The following DST variants were observed in gnomAD, a reference collection of about 807,000 sequenced individuals.
DST encodes dystonin, also known as bullous pemphigoid antigen.
In DST, 253 loss-of-function variants were observed where a neutral mutation model predicts 875.2. The observed-to-expected ratio is 0.29, with a 90% CI of 0.26 to 0.32. DST has a LOEUF of 0.32. DST is among the 10% of genes least tolerant of loss of function. The pLI, the probability that DST is intolerant of heterozygous loss-of-function variation, is 1.00. For synonymous variants in DST, 3,124 were observed against 3,197.1 expected (o/e 0.98, Z 0.77); for missense variants, 8,287 against 9,111.6 (o/e 0.91, Z 3.68).
intron 4 of DST, among the ~76,000 whole-genome samples, chr6:56,816,816 A>ATTTT (rs35624872): frequency 1.4e-5 from 2 of 144,492 alleles, no homozygotes; most frequent in African/African-American, 2.5e-5. Flanking sequence ...AAATAGGCTG[A>ATTTT]TTTTTTTTTT....
chr6:56,901,595 A>AAAAAT (rs1304045587), intron 2 of DST, among the ~76,000 whole-genome samples: 2 of 152,106 alleles, frequency 1.3e-5, no homozygotes, highest in South Asian at 4.1e-4. Context: ...ACTCCATCTA[A>AAAAAT]AAAATAAAAT....
intron 34 of DST, among the ~76,000 whole-genome samples, chr6:56,626,181 T>A (rs1161167959): frequency 6.6e-6 from 1 of 152,010 alleles, no homozygotes; most frequent in Non-Finnish European, 1.5e-5. Flanking sequence ...ATTGAAGAAA[T>A]TTTTTTATAA....
intron 93 of DST, 44 bp downstream of exon 93, chr6:56,473,829 C>T: frequency 6.5e-7 from 1 of 1,546,250 alleles, no homozygotes; most frequent in Non-Finnish European, 8.7e-7. Context: ...AGAAAATTAG[C>T]TCCCTTATTT....
At chr6:56,736,739 G>C (rs1431850842) in intron 4 of DST, among the ~76,000 whole-genome samples, 1 of 152,112 alleles carries the variant, frequency 6.6e-6, no homozygotes, top group South Asian at 2.1e-4. Flanking sequence ...TAACTTGAAT[G>C]TAAACAAAAG....
chr6:56,642,943 C>T (rs2098920684), intron 15 of DST: 1 of 1,459,136 alleles, frequency 6.9e-7, no homozygotes. Context: ...GCATATGCAA[C>T]ACACAGCAAA....
intron 3 of DST, among the ~76,000 whole-genome samples, chr6:56,891,337 C>T (rs563439492): frequency 6.6e-6 from 1 of 152,192 alleles, no homozygotes; most frequent in East Asian, 1.9e-4. Context: ...CCGAGGTGTT[C>T]TCTTGAGCCC....
intron 4 of DST, among the ~76,000 whole-genome samples, chr6:56,779,101 T>C (rs960005846): frequency 1.3e-5 from 2 of 152,126 alleles, no homozygotes; most frequent in East Asian, 1.9e-4. Context: ...TGGTATCTCA[T>C]TGTGGTTTTG....
chr6:56,758,569 C>T (rs1256833194), intron 4 of DST, among the ~76,000 whole-genome samples: 1 of 152,184 alleles, frequency 6.6e-6, no homozygotes, highest in Non-Finnish European at 1.5e-5. Context: ...TCCATGATGT[C>T]TGGGCCTCAG....
rs188291910 is a variant in DST at position 56,614,461 on chromosome 6, T to C, written c.4953A>G (p.Lys1651=). 2.0e-5 allele frequency: 32 copies of C among 1,607,256 alleles called. No homozygotes were observed. In the East Asian group the frequency reaches 3.6e-4, roughly 18 times the overall value. The stretch of plus-strand genomic sequence containing the variant: ...ATTCTTTGGCTTTTTCAACATGTTC[T>C]TTCTTTTCTTCTTCCAGTGACTTCT... The part of the protein sequence containing the change: ...EEEKSLEEEK[K]EHVEKAKELQ... Residue 1651 remains lysine, a synonymous_variant, in exon 37 of 104, where the codon AAA becomes AAG. Coordinates refer to ENST00000680361, the MANE Select transcript of DST (RefSeq NM_001374736.1).
chr6:56,520,794 C>T (rs1242025458), intron 69 of DST, among the ~76,000 whole-genome samples: 1 of 151,944 alleles, frequency 6.6e-6, no homozygotes, highest in African/African-American at 2.4e-5. Flanking sequence ...CTATCAGTTC[C>T]TATTTGTGTT....
chr6:56,501,431 A>G, intron 79 of DST, 89 bp downstream of exon 79: 1 of 1,200,816 alleles, frequency 8.3e-7, no homozygotes, highest in South Asian at 1.9e-5. Context: ...AGAAGCAGAA[A>G]TAATTCTAAT....
chr6:56,515,228 T>C (rs1361822197), intron 72 of DST, among the ~76,000 whole-genome samples: 1 of 150,844 alleles, frequency 6.6e-6, no homozygotes, highest in East Asian at 2.0e-4. Context: ...TTATAAAAGT[T>C]GTGATGTAAT....
chr6:56,731,841 T>A (rs1021640298), intron 5 of DST, among the ~76,000 whole-genome samples: 5 of 152,208 alleles, frequency 3.3e-5, no homozygotes, highest in African/African-American at 1.2e-4. Context: ...TATACATAAG[T>A]TGCAAGTTTG....
intron 49 of DST, among the ~76,000 whole-genome samples, chr6:56,580,390 A>T (rs2097949867): frequency 6.6e-6 from 1 of 152,010 alleles, no homozygotes; most frequent in South Asian, 2.1e-4. Context: ...TTACAAAAAA[A>T]AATTAAAAAA....
intron 8 of DST, among the ~76,000 whole-genome samples, 189 bp downstream of exon 8, chr6:56,701,699 C>G (rs547734059): frequency 6.6e-6 from 1 of 152,236 alleles, no homozygotes. Flanking sequence ...CTGGGCTTAT[C>G]CCTACTATTA....
chr6:56,647,168 G>A (rs539435042), intron 13 of DST, among the ~76,000 whole-genome samples: 1 of 152,330 alleles, frequency 6.6e-6, no homozygotes, highest in East Asian at 1.9e-4. Flanking sequence ...CATGAAATCT[G>A]AAAATGGTTT....
intron 49 of DST, among the ~76,000 whole-genome samples, chr6:56,588,929 G>A (rs2098216716): frequency 6.6e-6 from 1 of 151,922 alleles, no homozygotes; most frequent in South Asian, 2.1e-4. Flanking sequence ...TACGGGAAGT[G>A]TAAAAAAAAA....
At chr6:56,524,037 T>A (rs904699361) in intron 69 of DST, among the ~76,000 whole-genome samples, 19 of 152,186 alleles carry the variant, frequency 1.2e-4, no homozygotes, top group African/African-American at 1.9e-4. Context: ...ATGCTTTTTT[T>A]AATCACTCCT....
chr6:56,693,299 C>A, intron 9 of DST: 1 of 1,173,442 alleles, frequency 8.5e-7, no homozygotes, highest in South Asian at 1.7e-5. Flanking sequence ...GGCCATTTTG[C>A]TTATGAGAAA....
Sources: gnomAD v4.1 joint callset for allele counts (sites outside exome capture counted in the v4.1 genomes callset) on GRCh38, gnomAD v4.1.1 for gene constraint, MANE v1.5 for transcripts, NCBI Gene and HGNC (gene_info 2026-07-23, HGNC 2026-07-21) for gene names.